Variants in PRELID2 observed in about 807,000 individuals in gnomAD.
PRELID2 encodes the protein PRELI domain containing 2, also known as PRELI domain-containing protein 2.
Under a neutral mutation model 28.4 loss-of-function variants are expected in PRELID2, and 25 were observed. The observed-to-expected ratio is 0.88, with a 90% CI of 0.64 to 1.23. The LOEUF (loss-of-function observed/expected upper bound fraction) is 1.23, where lower values mean the gene tolerates loss of function less well. Ranked by LOEUF, PRELID2 falls within the 50% of genes most tolerant of loss-of-function variation. The probability of loss-of-function intolerance (pLI) is 0.00; values close to 1 mark genes in which losing one functional copy is unlikely to be tolerated. For missense variants in PRELID2, 201 were observed against 214.4 expected (o/e 0.94, Z 0.39); for synonymous variants, 76 against 71.6 (o/e 1.06, Z -0.31).
At chr5:145,727,961 G>C (rs1756222314) in intron 1 of PRELID2, among the ~76,000 whole-genome samples, 1 of 152,144 alleles carries the variant, frequency 6.6e-6, no homozygotes, top group African/African-American at 2.4e-5. Flanking sequence ...AGAAAAGAAA[G>C]AGCATTTTTA....
intron 1 of PRELID2, among the ~76,000 whole-genome samples, chr5:145,645,251 C>G (rs187916931): frequency 2.6e-4 from 40 of 151,624 alleles, no homozygotes; most frequent in Admixed American, 5.9e-4. Flanking sequence ...TGCATTGATC[C>G]CTTTACCATT....
intron 4 of PRELID2, among the ~76,000 whole-genome samples, chr5:145,811,116 AAAAT>A (rs1213243915): frequency 2.4e-3 from 203 of 85,054 alleles, no homozygotes; most frequent in Middle Eastern, 0.024. Flanking sequence ...AAAAAAAAAA[AAAAT>A]TGTGCCAGGG....
chr5:145,383,197 T>C, the PRELID2 span, among the ~76,000 whole-genome samples: 1 of 151,566 alleles, frequency 6.6e-6, no homozygotes, highest in Admixed American at 6.6e-5. Flanking sequence ...CACATCCATA[T>C]ACATGTGTGT....
At chr5:145,536,473 C>T (rs1027785726) in intron 1 of PRELID2, among the ~76,000 whole-genome samples, 1 of 152,042 alleles carries the variant, frequency 6.6e-6, no homozygotes, top group Non-Finnish European at 1.5e-5. Flanking sequence ...GCCAAGAACT[C>T]TCAACCTTGC....
intron 1 of PRELID2, among the ~76,000 whole-genome samples, chr5:145,545,712 T>C (rs1013324026): frequency 2.0e-5 from 3 of 152,194 alleles, no homozygotes; most frequent in Admixed American, 1.3e-4. Context: ...ATGTGCTTTA[T>C]TGCAGTCCAG....
At chr5:145,293,621 A>G in the PRELID2 span, among the ~76,000 whole-genome samples, 1 of 152,208 alleles carries the variant, frequency 6.6e-6, no homozygotes, top group South Asian at 2.1e-4. Context: ...AAGGGGTTGA[A>G]TATGCGTAGA....
chr5:145,505,196 C>T (rs558572371), intron 1 of PRELID2, among the ~76,000 whole-genome samples: 1 of 152,120 alleles, frequency 6.6e-6, no homozygotes. Flanking sequence ...CTATTCTGAT[C>T]AATACTATTC....
intron 4 of PRELID2, among the ~76,000 whole-genome samples, chr5:145,806,307 A>T (rs1753504843): frequency 6.6e-6 from 1 of 152,112 alleles, no homozygotes; most frequent in Admixed American, 6.6e-5. Flanking sequence ...TTCAATTTTT[A>T]ATTTTTTACT....
intron 1 of PRELID2, among the ~76,000 whole-genome samples, chr5:145,509,765 T>C (rs1580962834): frequency 6.6e-6 from 1 of 152,206 alleles, no homozygotes; most frequent in Admixed American, 6.5e-5. Context: ...TTCTTCCTTT[T>C]AATATTGAGG....
At chr5:145,250,028 C>G in the PRELID2 span, among the ~76,000 whole-genome samples, 234 of 151,808 alleles carry the variant, frequency 1.5e-3, 1 homozygote, top group African/African-American at 5.3e-3. Flanking sequence ...AACTGAATAT[C>G]CAAAACCTAA....
chr5:145,723,828 A>G (rs1459543561), intron 1 of PRELID2, among the ~76,000 whole-genome samples: 2 of 152,184 alleles, frequency 1.3e-5, no homozygotes, highest in Non-Finnish European at 2.9e-5. Flanking sequence ...CAACTCAGCA[A>G]TCTCAAATCT....
intron 1 of PRELID2, among the ~76,000 whole-genome samples, chr5:145,700,407 G>A (rs975713651): frequency 6.6e-6 from 1 of 151,932 alleles, no homozygotes; most frequent in Non-Finnish European, 1.5e-5. Context: ...TCTCAACATG[G>A]AAGATTGATA....
At chr5:145,637,340 G>A (rs114652832) in intron 1 of PRELID2, among the ~76,000 whole-genome samples, 298 of 152,248 alleles carry the variant, frequency 2.0e-3, no homozygotes, top group African/African-American at 6.8e-3. Flanking sequence ...GAAGCCATTC[G>A]TCCAGTGCCC....
intron 1 of PRELID2, among the ~76,000 whole-genome samples, chr5:145,526,206 C>CTTT (rs1214399626): frequency 6.6e-6 from 1 of 152,090 alleles, no homozygotes; most frequent in Non-Finnish European, 1.5e-5. Flanking sequence ...ACGTAGAAAC[C>CTTT]AAAACTCAGG....
At chr5:145,646,561 C>T (rs936152975) in intron 1 of PRELID2, among the ~76,000 whole-genome samples, 1 of 152,116 alleles carries the variant, frequency 6.6e-6, no homozygotes, top group Non-Finnish European at 1.5e-5. Context: ...ATTCTCCATC[C>T]AGTTTTGCTC....
chr5:145,270,015 C>T, the PRELID2 span, among the ~76,000 whole-genome samples: 3 of 151,116 alleles, frequency 2.0e-5, no homozygotes, highest in Non-Finnish European at 4.4e-5. Context: ...TATTAAAATG[C>T]AAATTAAAAG....
the PRELID2 span, among the ~76,000 whole-genome samples, chr5:145,398,309 G>A: frequency 4.6e-5 from 7 of 151,954 alleles, no homozygotes; most frequent in South Asian, 4.2e-4. Context: ...TTTCCCCCTC[G>A]CCTCTTTTAG....
chr5:145,535,824 C>T lies in PRELID2; in HGVS notation n.71-62509G>A, dbSNP rs1221141095. ...AATAGTTTATTTCTCTTTTTCACTT[C>T]TTCCTTTAGTTCTGACATGTCACAT... On this transcript the variant is annotated intron_variant and non_coding_transcript_variant, in intron 1 of 2. Coordinates refer to the PRELID2 transcript ENST00000510259. Among the ~76,000 whole-genome samples, 4 of 151,882 alleles carry T rather than the reference C, an allele frequency of 2.6e-5. No individual in the cohort carries two copies. The Admixed American group carries it at 2.6e-4, about 10-fold the overall frequency.
At chr5:145,280,155 C>T in the PRELID2 span, among the ~76,000 whole-genome samples, 2,686 of 152,180 alleles carry the variant, frequency 0.018, 36 homozygotes, top group Non-Finnish European at 0.026. Flanking sequence ...AGCCATTATA[C>T]CTTGATGAGT....
Sources: gnomAD v4.1 joint callset for allele counts (sites outside exome capture counted in the v4.1 genomes callset) on GRCh38, gnomAD v4.1.1 for gene constraint, MANE v1.5 for transcripts, NCBI Gene and HGNC (gene_info 2026-07-23, HGNC 2026-07-21) for gene names.